The following TK1 variants were observed in gnomAD, a reference collection of about 807,000 sequenced individuals.
The protein encoded by TK1 is thymidine kinase 1, also known as thymidine kinase, cytosolic.
Under a neutral mutation model 22.4 loss-of-function variants are expected in TK1, and 13 were observed. That is an observed-to-expected ratio of 0.58 (90% CI 0.38 to 0.92). The LOEUF (loss-of-function observed/expected upper bound fraction) is 0.92, where lower values mean the gene tolerates loss of function less well. Among genes scored for constraint, TK1 ranks in the 40% least tolerant of loss-of-function variants. The pLI, the probability that TK1 is intolerant of heterozygous loss-of-function variation, is 0.00. For synonymous variants in TK1, 134 were observed against 125.4 expected, an observed-to-expected ratio of 1.07 and a Z score of -0.46; for missense variants, 251 against 315.7, an observed-to-expected ratio of 0.80 and a Z score of 1.55.
chr17:78,177,764 C>T lies in TK1; in HGVS notation c.304-2146G>A, dbSNP rs372457071. On this transcript the variant is annotated intron_variant, in intron 4 of 6. Transcript: ENST00000301634. Reference sequence around the variant, plus strand: ...AATTTTTTTGTATTTTCAGTAGAGACGGGGTTTCACCGTGTTAGCCAGGAT... The same window carrying T: ...AATTTTTTTGTATTTTCAGTAGAGATGGGGTTTCACCGTGTTAGCCAGGAT... 4.9e-4 allele frequency among the ~76,000 whole-genome samples: 74 copies of T among 151,662 alleles called. 1 individual carries two copies. In the South Asian group the frequency reaches 0.013, roughly 27 times the overall value.
chr17:78,179,898 C>T (rs1436630860), intron 4 of TK1: 5 of 253,060 alleles, frequency 2.0e-5, no homozygotes, highest in Non-Finnish European at 2.5e-5. Context: ...GATGAAACCC[C>T]GTCTCTACTA....
chr17:78,187,019 C>G lies in TK1; in HGVS notation c.-25G>C. The G allele has an allele frequency of 6.3e-7, 1 of 1,589,074 alleles. No individual in the cohort carries two copies. Among genetic ancestry groups the G allele is most frequent in the Non-Finnish European group, 8.6e-7 (1 of 1,168,106 alleles). The stretch of plus-strand genomic sequence containing the variant: ...TTGCGCCTCCGGGAAGTTCACGAAC[C>G]CGAGTACTCTCCAAGGCCGTCCCGC... On this transcript the variant is annotated 5_prime_UTR_variant, in exon 1 of 7. Transcript: ENST00000301634.
intron 5 of TK1, 31 bp downstream of exon 5, chr17:78,175,498 C>T: frequency 3.7e-6 from 6 of 1,600,468 alleles, no homozygotes; most frequent in South Asian, 1.1e-5. Flanking sequence ...CCTCCTCAAT[C>T]CCAGCTCCAG....
chr17:78,174,888 C>T lies in TK1; in HGVS notation c.576G>A (p.Lys192=), dbSNP rs139953880. 6 of 1,613,854 alleles carry T rather than the reference C, an allele frequency of 3.7e-6. No homozygotes were observed. Among genetic ancestry groups the T allele is most frequent in the Admixed American group, 3.3e-5 (2 of 60,004 alleles). The stretch of plus-strand genomic sequence containing the variant: ...CCGGCCCGGCAGGCTGGCCTGAGGC[C>T]TTCTTGAAGTAGCAGAGCCGACACA... ...HSVCRLCYFK[K]ASGQPAGPDN... is the part of the protein sequence containing the mutation. The change falls in exon 7 of 7, where the codon AAG becomes AAA. Residue 192 remains lysine (K), a synonymous_variant. Transcript: ENST00000301634.
At chr17:78,179,081 G>T in intron 4 of TK1, 2 of 856,404 alleles carry the variant, frequency 2.3e-6, no homozygotes, top group Non-Finnish European at 2.8e-6. Context: ...AAGGAGAAGG[G>T]AAAGGTTTCT....
chr17:78,179,126 G>C, intron 4 of TK1: 1 of 981,976 alleles, frequency 1.0e-6, no homozygotes, highest in Non-Finnish European at 1.2e-6. Flanking sequence ...TGTCAACAAG[G>C]TTTACGCAGA....
chr17:78,180,842 A>G (rs558641825), intron 4 of TK1, among the ~76,000 whole-genome samples: 3 of 152,218 alleles, frequency 2.0e-5, no homozygotes, highest in Non-Finnish European at 4.4e-5. Context: ...AGCTTCCCCT[A>G]CACACATTGT....
chr17:78,184,980 T>G, intron 3 of TK1, 75 bp downstream of exon 3: 1 of 1,127,250 alleles, frequency 8.9e-7, no homozygotes, highest in Non-Finnish European at 1.3e-6. Context: ...CCATCCCCAT[T>G]AAAGAGAGTC....
chr17:78,179,477 G>T lies in TK1; in HGVS notation c.303+3112C>A. On this transcript the variant is annotated intron_variant, in intron 4 of 6. Transcript: ENST00000301634. ...GGGAGGAGATGCCAGCTGCCGGGTG[G>T]TCGGGAACCCAGAGCGGACACTGGC... 6.1e-6 allele frequency: 6 copies of T among 985,460 alleles called. No individual in the cohort carries two copies. In the South Asian group the frequency reaches 2.8e-4, roughly 46 times the overall value. 61.0% of individuals were successfully genotyped at this position (985,460 alleles called of 1,614,324 possible).
intron 4 of TK1, among the ~76,000 whole-genome samples, chr17:78,178,098 T>C (rs2075713989): frequency 6.6e-6 from 1 of 152,164 alleles, no homozygotes; most frequent in Non-Finnish European, 1.5e-5. Context: ...CTCAAACTCC[T>C]GACCTCAAGT....
intron 4 of TK1, among the ~76,000 whole-genome samples, chr17:78,182,067 A>G (rs1296745531): frequency 1.3e-5 from 2 of 152,026 alleles, no homozygotes; most frequent in Non-Finnish European, 2.9e-5. Context: ...GTAAATAGAT[A>G]TATGTATTTT....
At chr17:78,179,286 A>G (rs2075722318) in intron 4 of TK1, 1 of 985,286 alleles carries the variant, frequency 1.0e-6, no homozygotes, top group Non-Finnish European at 1.2e-6. Flanking sequence ...ACAGTTTGGG[A>G]GCAAAAGAGA....
chr17:78,177,659 C>T (rs187491850), intron 4 of TK1, among the ~76,000 whole-genome samples: 1,846 of 149,710 alleles, frequency 0.012, 23 homozygotes, highest in Non-Finnish European at 0.02. Context: ...CTGCAAGCTC[C>T]GCCTCCTGGG....
At position 78,175,515 on chromosome 17, in the gene TK1, A is replaced by G; in HGVS notation, c.393+14T>C. Reference sequence around the variant, plus strand: ...TCCTCAATCCCAGCTCCAGACCTGGATCAGACGCCTTACCTTCCTCTGGAA... The same window carrying G: ...TCCTCAATCCCAGCTCCAGACCTGGGTCAGACGCCTTACCTTCCTCTGGAA... On this transcript the variant is annotated intron_variant, in intron 5 of 6. Transcript: ENST00000301634. 1.9e-6 allele frequency: 3 copies of G among 1,611,396 alleles called. No homozygotes were observed. Among genetic ancestry groups the G allele is most frequent in the African/African-American group, 2.7e-5 (2 of 74,892 alleles).
Position 78,182,629 on chromosome 17 carries a change from G to C in TK1, c.263C>G (p.Ala88Gly), listed in dbSNP as rs569145114. ...ACLLRDVAQEALGVAVIGIDE... is the reference protein window; with the variant it reads ...ACLLRDVAQEGLGVAVIGIDE... The stretch of plus-strand genomic sequence containing the variant: ...GATGCCTATGACAGCCACGCCCAGG[G>C]CCTCCTGGGCCACGTCTCGGAGCAG... Residue 88 changes from alanine to glycine, a missense_variant, in exon 4 of 7, where the codon GCC (alanine) becomes GGC (glycine). Coordinates refer to ENST00000301634, the MANE Select transcript of TK1 (RefSeq NM_003258.5). The C allele has an allele frequency of 2.5e-6, 4 of 1,595,602 alleles. No individual in the cohort carries two copies. The East Asian group carries it at 9.0e-5, about 36-fold the overall frequency.
intron 4 of TK1, 61 bp from the exon 5 acceptor site, chr17:78,175,679 G>A: frequency 6.7e-7 from 1 of 1,494,294 alleles, no homozygotes; most frequent in Non-Finnish European, 9.2e-7. Context: ...GCTCCCTGGA[G>A]CCCCAGCGAA....
intron 6 of TK1, 33 bp downstream of exon 6, chr17:78,175,017 C>G (rs772819484): frequency 7.4e-6 from 12 of 1,611,162 alleles, no homozygotes; most frequent in Non-Finnish European, 1.0e-5. Context: ...TACCCCCACC[C>G]CGCCGGCCTG....
intron 5 of TK1, 56 bp from the exon 6 acceptor site, chr17:78,175,225 C>CGTTTTTTTTTTTTTTTTTTT: frequency 6.4e-7 from 1 of 1,558,740 alleles, no homozygotes. Context: ...GTGGGTTTTT[C>CGTTTTTTTTTTTTTTTTTTT]TTTTAAACCC....
intron 4 of TK1, among the ~76,000 whole-genome samples, chr17:78,176,314 CAT>C (rs1395171320): frequency 6.6e-6 from 1 of 152,026 alleles, no homozygotes; most frequent in South Asian, 2.1e-4. Flanking sequence ...ATCAATCAAT[CAT>C]ATCACTCTTA....
Sources: gnomAD v4.1 joint callset for allele counts (sites outside exome capture counted in the v4.1 genomes callset) on GRCh38, gnomAD v4.1.1 for gene constraint, MANE v1.5 for transcripts, NCBI Gene and HGNC (gene_info 2026-07-23, HGNC 2026-07-21) for gene names.